Variants in CPD observed in about 807,000 individuals in gnomAD.
CPD encodes the protein metallocarboxypeptidase D.
CPD carries 69 observed loss-of-function variants against 138.3 expected under a neutral mutation model. The ratio of observed to expected loss-of-function variants is 0.50; its 90% CI spans 0.41 to 0.61. The LOEUF (loss-of-function observed/expected upper bound fraction) is 0.61. Ranked by LOEUF, CPD falls within the 20% of genes least tolerant of loss-of-function variation. CPD has a pLI of 0.00. For missense variants in CPD, 1,432 were observed against 1,733.3 expected (o/e 0.83, Z 3.09); for synonymous variants, 651 against 642.1 (o/e 1.01, Z -0.21).
rs1240755340 is a variant in CPD, at chr17:30,462,095, A to G, written c.3816+33A>G. ...ACTCAAATTGAGTAGCATCATGTAAATTTTTATTCTTAATAATACTTCTGT... is the reference window on the plus strand; with the variant it reads ...ACTCAAATTGAGTAGCATCATGTAAGTTTTTATTCTTAATAATACTTCTGT... On this transcript the variant is annotated intron_variant, in intron 19 of 20. Coordinates refer to ENST00000225719, the MANE Select transcript of CPD (RefSeq NM_001304.5). The G allele has an allele frequency of 3.9e-6, 6 of 1,547,756 alleles. No homozygotes were observed. In the African/African-American group the frequency reaches 6.9e-5, roughly 18 times the overall value.
At chr17:30,382,061 C>A (rs1911064529) in intron 1 of CPD, among the ~76,000 whole-genome samples, 1 of 152,052 alleles carries the variant, frequency 6.6e-6, no homozygotes, top group Non-Finnish European at 1.5e-5. Flanking sequence ...AGTGAATATA[C>A]CTGCTTAAAT....
rs1169702825 is a variant in CPD, at chr17:30,465,467, GCAAA to G, written c.*655_*658del. On this transcript the variant is annotated 3_prime_UTR_variant, in exon 21 of 21. Transcript: ENST00000225719. ...ATTTCACTACCTCTCTTAAGGTTTA[GCAAA>G]CTTCTAAATAGCCCATTTTAAGGGA... 1 of 152,594 alleles carries G rather than the reference GCAAA, an allele frequency of 6.6e-6. No homozygotes were observed. The highest frequency in any genetic ancestry group is 1.5e-5 in the Non-Finnish European group (1 of 68,066). The allele number at this position is 152,594 out of a possible 1,614,324, so 9.5% of individuals were successfully genotyped here. A position where few individuals can be genotyped will look rare whatever the true frequency, so the allele number is the denominator to read the frequency against.
chr17:30,417,752 C>A (rs570322608), intron 2 of CPD, among the ~76,000 whole-genome samples: 1 of 152,196 alleles, frequency 6.6e-6, no homozygotes, highest in South Asian at 2.1e-4. Flanking sequence ...CAATCCCCCA[C>A]GCCTTTCCAG....
intron 14 of CPD, among the ~76,000 whole-genome samples, chr17:30,452,967 AT>A (rs1401004492): frequency 1.3e-5 from 2 of 152,094 alleles, no homozygotes; most frequent in East Asian, 3.9e-4. Context: ...TATCACAAGA[AT>A]AATACGGGAA....
intron 2 of CPD, among the ~76,000 whole-genome samples, chr17:30,398,692 GAA>G (rs1911574302): frequency 1.3e-5 from 2 of 151,894 alleles, no homozygotes; most frequent in African/African-American, 4.8e-5. Flanking sequence ...TTTGGTTTCA[GAA>G]AAATAAATGT....
intron 2 of CPD, among the ~76,000 whole-genome samples, chr17:30,413,908 T>A (rs1184776367): frequency 6.6e-6 from 1 of 152,078 alleles, no homozygotes; most frequent in Admixed American, 6.5e-5. Context: ...GAGCTGGGGT[T>A]GAGGGAGTTA....
intron 7 of CPD, among the ~76,000 whole-genome samples, chr17:30,430,251 G>A (rs188164373): frequency 2.0e-5 from 3 of 151,888 alleles, no homozygotes; most frequent in East Asian, 1.9e-4. Flanking sequence ...TTTTATCTCC[G>A]CAAAAGGATA....
intron 14 of CPD, 125 bp from the exon 15 acceptor site, chr17:30,455,214 T>C (rs1913263172): frequency 1.2e-6 from 1 of 804,410 alleles, no homozygotes; most frequent in African/African-American, 1.8e-5. Flanking sequence ...TATGGAGAAA[T>C]AAAATATTTA....
At chr17:30,439,333 T>C (rs987800307) in intron 9 of CPD, among the ~76,000 whole-genome samples, 1 of 151,926 alleles carries the variant, frequency 6.6e-6, no homozygotes, top group Admixed American at 6.6e-5. Flanking sequence ...GAATCTTACA[T>C]GTGCTAATAG....
chr17:30,434,121 A>T (rs1393904897), intron 8 of CPD, among the ~76,000 whole-genome samples: 2 of 152,222 alleles, frequency 1.3e-5, no homozygotes, highest in African/African-American at 4.8e-5. Flanking sequence ...TCAAAAGTAG[A>T]TAGTCTTGGG....
At chr17:30,457,305 A>G (rs758578212) in intron 17 of CPD, among the ~76,000 whole-genome samples, 2 of 152,160 alleles carry the variant, frequency 1.3e-5, no homozygotes, top group African/African-American at 2.4e-5. Flanking sequence ...ATTCATTTTT[A>G]TGGCTGAATA....
At chr17:30,404,012 GCTATATA>G (rs1394238155) in intron 2 of CPD, among the ~76,000 whole-genome samples, 12 of 152,060 alleles carry the variant, frequency 7.9e-5, no homozygotes, top group African/African-American at 2.9e-4. Context: ...AATACAAAAG[GCTATATA>G]CTATATGATT....
In CPD at chr17:30,381,631, C is replaced by T. The variant is rs1176080480; in HGVS notation, c.746+1905C>T. ...TGCTATTAACCAATAACAAAGGACA[C>T]TGATATGTGAATAAAATTAAAAACA... On this transcript the variant is annotated intron_variant, in intron 1 of 20. Transcript: ENST00000225719. Among the ~76,000 whole-genome samples, 3 of 152,196 alleles carry T rather than the reference C, an allele frequency of 2.0e-5. No individual in the cohort carries two copies. In the East Asian group the frequency reaches 5.8e-4, roughly 29 times the overall value.
intron 17 of CPD, among the ~76,000 whole-genome samples, chr17:30,458,242 T>C (rs1329041438): frequency 6.6e-6 from 1 of 152,204 alleles, no homozygotes; most frequent in Non-Finnish European, 1.5e-5. Context: ...CTGTGTATTC[T>C]AGATAGGAAA....
chr17:30,401,547 G>A lies in CPD; in HGVS notation c.994+16311G>A, dbSNP rs557464993. ...TTCCCAGGCTGGAGTGCAGTGGTGC[G>A]GTCGTGGCTCACTGCAACCTCTGCC... On this transcript the variant is annotated intron_variant, in intron 2 of 20. Coordinates refer to ENST00000225719, the MANE Select transcript of CPD (RefSeq NM_001304.5). Among the ~76,000 whole-genome samples, 30 of 151,834 alleles carry A rather than the reference G, an allele frequency of 2.0e-4. 1 individual carries two copies. Among genetic ancestry groups the A allele is most frequent in the African/African-American group, 7.3e-4 (30 of 41,376 alleles).
Position 30,379,778 on chromosome 17 carries a change from C to A in CPD, c.746+52C>A. On this transcript the variant is annotated intron_variant, in intron 1 of 20. Coordinates refer to ENST00000225719, the MANE Select transcript of CPD (RefSeq NM_001304.5). This position sits in a 1 kb window ranked among gnomAD's most constrained non-coding sequence, Gnocchi z 7.0. ...CCGTGTGAGCCTCCAAGGGCCGAGGCTGGTTCCGGCACCCAGTAGGCGCTC... is the reference window on the plus strand; with the variant it reads ...CCGTGTGAGCCTCCAAGGGCCGAGGATGGTTCCGGCACCCAGTAGGCGCTC... 1 of 1,296,344 alleles carries A rather than the reference C, an allele frequency of 7.7e-7. No homozygotes were observed. Among genetic ancestry groups the A allele is most frequent in the Middle Eastern group, 2.0e-4 (1 of 5,110 alleles). 80.3% of individuals were successfully genotyped at this position (1,296,344 alleles called of 1,614,324 possible). A position where few individuals can be genotyped will look rare whatever the true frequency, so the allele number is the denominator to read the frequency against.
chr17:30,458,723 G>C (rs1913367123), intron 17 of CPD, among the ~76,000 whole-genome samples: 1 of 152,130 alleles, frequency 6.6e-6, no homozygotes, highest in South Asian at 2.1e-4. Flanking sequence ...ACATTAGCCA[G>C]GCTGTAGTGC....
At position 30,427,531 on chromosome 17, in the gene CPD, T is replaced by C; in HGVS notation, c.1990T>C (p.Phe664Leu). ...AVMSWMKSYPFVLSANLHGGS... is the reference protein window; with the variant it reads ...AVMSWMKSYPLVLSANLHGGS... ...AATGAGCTGGATGAAGTCCTATCCA[T>C]TTGTACTTTCAGCAAACCTGCATGG... is the stretch of plus-strand genomic sequence containing the variant. The change falls in exon 7 of 21, where the codon TTT (phenylalanine) becomes CTT (leucine). Residue 664 changes from phenylalanine (F) to leucine (L), a missense_variant. By Grantham distance (22) the Phe-to-Leu change is conservative. This residue lies in a region of CPD where 297 missense variants were observed against 405.3 expected (regional missense o/e 0.73). Coordinates refer to ENST00000225719, the MANE Select transcript of CPD (RefSeq NM_001304.5). The C allele has an allele frequency of 1.2e-6, 2 of 1,614,146 alleles. No homozygotes were observed. The highest frequency in any genetic ancestry group is 1.7e-6 in the Non-Finnish European group (2 of 1,179,990).
chr17:30,396,208 T>C (rs1911503378), intron 2 of CPD, among the ~76,000 whole-genome samples: 1 of 152,156 alleles, frequency 6.6e-6, no homozygotes, highest in Non-Finnish European at 1.5e-5. Context: ...TAAAGTAATA[T>C]CATTAAGCTC....
Sources: gnomAD v4.1 joint callset for allele counts (sites outside exome capture counted in the v4.1 genomes callset) on GRCh38, gnomAD v4.1.1 for gene constraint, gnomAD v4.1.1 regional missense constraint, Gnocchi (gnomAD v3.1) non-coding constraint, MANE v1.5 for transcripts, NCBI Gene and HGNC (gene_info 2026-07-23, HGNC 2026-07-21) for gene names.